The following PRELID2 variants were observed in gnomAD, a reference collection of about 807,000 sequenced individuals.
The protein encoded by PRELID2 is PRELI domain-containing protein 2.
Under a neutral mutation model 28.4 loss-of-function variants are expected in PRELID2, and 25 were observed. The ratio of observed to expected loss-of-function variants is 0.88; its 90% CI spans 0.64 to 1.23. The LOEUF (loss-of-function observed/expected upper bound fraction) is 1.23, where lower values mean the gene tolerates loss of function less well. Ranked by LOEUF, PRELID2 falls within the 50% of genes most tolerant of loss-of-function variation. PRELID2 has a pLI of 0.00. For synonymous variants in PRELID2, 76 were observed against 71.6 expected (o/e 1.06, Z -0.31); for missense variants, 201 against 214.4 (o/e 0.94, Z 0.39).
chr5:145,569,801 A>G (rs1430873732), intron 1 of PRELID2, among the ~76,000 whole-genome samples: 1 of 152,234 alleles, frequency 6.6e-6, no homozygotes, highest in East Asian at 1.9e-4. Context: ...TGATGTAGTG[A>G]TGGTACCTCC....
chr5:145,232,337 A>C, the PRELID2 span, among the ~76,000 whole-genome samples: 1 of 152,156 alleles, frequency 6.6e-6, no homozygotes, highest in Admixed American at 6.6e-5. Context: ...CAAATGAAGA[A>C]ACTGAACCTT....
chr5:145,413,396 T>C, the PRELID2 span, among the ~76,000 whole-genome samples: 17 of 152,148 alleles, frequency 1.1e-4, no homozygotes, highest in Admixed American at 2.6e-4. Flanking sequence ...TGTAACCTAG[T>C]ACAACCAATA....
intron 1 of PRELID2, among the ~76,000 whole-genome samples, chr5:145,636,260 T>C (rs1432851493): frequency 6.6e-6 from 1 of 152,230 alleles, no homozygotes; most frequent in Non-Finnish European, 1.5e-5. Flanking sequence ...AGAAGAGCAG[T>C]AATCAAACAC....
At chr5:145,486,282 TG>T (rs1177448490) in intron 1 of PRELID2, among the ~76,000 whole-genome samples, 3 of 152,248 alleles carry the variant, frequency 2.0e-5, no homozygotes, top group Non-Finnish European at 4.4e-5. Context: ...ATAGTTTGCA[TG>T]GGGGTCTATA....
the PRELID2 span, among the ~76,000 whole-genome samples, chr5:145,291,337 G>GAAAAAAAAAAAAAA: frequency 4.8e-5 from 2 of 41,742 alleles, no homozygotes; most frequent in African/African-American, 1.6e-4. Flanking sequence ...CTCTGTTTCA[G>GAAAAAAAAAAAAAA]AAAAAAAAAA....
At chr5:145,278,703 G>A in the PRELID2 span, among the ~76,000 whole-genome samples, 1 of 152,090 alleles carries the variant, frequency 6.6e-6, no homozygotes, top group East Asian at 1.9e-4. Flanking sequence ...TACAATCAAG[G>A]GGAGGGGTCC....
In PRELID2 at chr5:145,600,121, A is replaced by G. The variant is rs117695124; in HGVS notation, n.71-126806T>C. ...AATAGCCAGAAGAAAAAGAATCTCA[A>G]TTGAAGTTTAGCTTTCTAAAAAGCT... On this transcript the variant is annotated intron_variant and non_coding_transcript_variant, in intron 1 of 2. Coordinates refer to the PRELID2 transcript ENST00000510259. 3.0e-4 allele frequency among the ~76,000 whole-genome samples: 45 copies of G among 149,880 alleles called. 1 individual carries two copies. In the East Asian group the frequency reaches 8.3e-3, roughly 28 times the overall value.
chr5:145,510,392 C>T (rs1267917493), intron 1 of PRELID2, among the ~76,000 whole-genome samples: 1 of 152,202 alleles, frequency 6.6e-6, no homozygotes, highest in Admixed American at 6.5e-5. Flanking sequence ...ACAACAGGCT[C>T]CAGCTTTTTT....
At chr5:145,834,310 C>T (rs986961076) in intron 1 of PRELID2, among the ~76,000 whole-genome samples, 1 of 151,832 alleles carries the variant, frequency 6.6e-6, no homozygotes, top group Non-Finnish European at 1.5e-5. Flanking sequence ...CCAACCCATT[C>T]CTGGGAGCAA....
chr5:145,817,198 A>AAAAAAAATATATATATATATATAT (rs1365517052), intron 4 of PRELID2, among the ~76,000 whole-genome samples: 1 of 70,084 alleles, frequency 1.4e-5, no homozygotes, highest in Admixed American at 1.8e-4. Flanking sequence ...TTCAAAAAAA[A>AAAAAAAATATATATATATATATAT]ATAAATAAAT....
the PRELID2 span, among the ~76,000 whole-genome samples, chr5:145,456,441 G>T: frequency 6.6e-6 from 1 of 152,004 alleles, no homozygotes; most frequent in Non-Finnish European, 1.5e-5. Flanking sequence ...AGCCATTTTT[G>T]GTGCCTTCTC....
chr5:145,490,363 C>G (rs1168778726), intron 1 of PRELID2, among the ~76,000 whole-genome samples: 1 of 152,186 alleles, frequency 6.6e-6, no homozygotes, highest in East Asian at 1.9e-4. Flanking sequence ...ACATATTGCC[C>G]TGTCTAAAAC....
chr5:145,287,001 C>T, the PRELID2 span, among the ~76,000 whole-genome samples: 2 of 152,058 alleles, frequency 1.3e-5, no homozygotes, highest in Admixed American at 1.3e-4. Context: ...TGAGCCACCG[C>T]GCCTGGCCAG....
chr5:145,604,817 G>A (rs1310725451), intron 1 of PRELID2, among the ~76,000 whole-genome samples: 2 of 117,960 alleles, frequency 1.7e-5, no homozygotes, highest in Non-Finnish European at 3.3e-5. Flanking sequence ...GTATCTCATT[G>A]TGGTTTTGAT....
chr5:145,394,766 G>A, the PRELID2 span, among the ~76,000 whole-genome samples: 44 of 152,226 alleles, frequency 2.9e-4, no homozygotes, highest in African/African-American at 1.0e-3. Flanking sequence ...GCAGAAAAGT[G>A]TGGTGGTTAG....
chr5:145,809,006 C>T (rs1184901897), intron 4 of PRELID2, among the ~76,000 whole-genome samples: 1 of 149,586 alleles, frequency 6.7e-6, no homozygotes. Context: ...ATTATTAACA[C>T]ACACTTCACT....
chr5:145,767,906 C>T (rs1439257222), intron 5 of PRELID2, among the ~76,000 whole-genome samples: 2 of 152,104 alleles, frequency 1.3e-5, no homozygotes, highest in African/African-American at 4.8e-5. Context: ...GTATATACTA[C>T]ACTCTTAAGA....
chr5:145,671,918 G>A (rs9324987), intron 1 of PRELID2, among the ~76,000 whole-genome samples: 9,926 of 152,084 alleles, frequency 0.065, 1,081 homozygotes, highest in African/African-American at 0.23. Context: ...GAACTACAGC[G>A]TAGAAATAAA....
At chr5:145,556,984 C>A (rs1224260665) in intron 1 of PRELID2, among the ~76,000 whole-genome samples, 6 of 152,076 alleles carry the variant, frequency 3.9e-5, no homozygotes, top group Non-Finnish European at 5.9e-5. Flanking sequence ...GTCATGACAC[C>A]GTGTGACTTA....
Sources: allele counts gnomAD v4.1 joint callset (sites outside exome capture counted in the v4.1 genomes callset), GRCh38; gene constraint gnomAD v4.1.1; transcripts MANE v1.5; gene names NCBI Gene and HGNC (gene_info 2026-07-23, HGNC 2026-07-21).